THSD4: variants seen among roughly 807,000 people sequenced by gnomAD.
The protein encoded by THSD4 is thrombospondin type-1 domain-containing protein 4.
In THSD4, 69 loss-of-function variants were observed where a neutral mutation model predicts 119.0. That is an observed-to-expected ratio of 0.58 (90% CI 0.48 to 0.71). The LOEUF is 0.71. Ranked by LOEUF, THSD4 falls within the 30% of genes least tolerant of loss-of-function variation. The pLI is 0.00. For synonymous variants in THSD4, 524 were observed against 540.4 expected (o/e 0.97, Z 0.42); for missense variants, 1,393 against 1,391.1 (o/e 1.00, Z -0.02).
At chr15:71,154,980 G>A (rs764712949) in intron 3 of THSD4, 48 bp downstream of exon 3, 1 of 1,585,458 alleles carries the variant, frequency 6.3e-7, no homozygotes, top group East Asian at 2.2e-5. Context: ...AAGGGGCTAG[G>A]GCCACTGTGG....
intron 5 of THSD4, among the ~76,000 whole-genome samples, chr15:71,255,940 A>T (rs548580143): frequency 9.1e-4 from 138 of 152,322 alleles, no homozygotes; most frequent in African/African-American, 3.1e-3. Context: ...ACAGAAGCAG[A>T]TGGCCTCTTT....
intron 6 of THSD4, among the ~76,000 whole-genome samples, chr15:71,347,953 T>TA (rs1013508247): frequency 6.6e-6 from 1 of 152,190 alleles, no homozygotes; most frequent in African/African-American, 2.4e-5. Context: ...TCAGTAATCT[T>TA]ACCCTCTGCA....
chr15:71,187,881 A>G (rs1457189699), intron 3 of THSD4, among the ~76,000 whole-genome samples: 1 of 152,154 alleles, frequency 6.6e-6, no homozygotes, highest in African/African-American at 2.4e-5. Flanking sequence ...CACTGAATCA[A>G]CTCATGTTTA....
At chr15:71,578,810 T>A (rs1217062754) in intron 7 of THSD4, among the ~76,000 whole-genome samples, 1 of 137,100 alleles carries the variant, frequency 7.3e-6, no homozygotes, top group African/African-American at 2.5e-5. Context: ...TTTGCATACA[T>A]TAATTTGACT....
chr15:71,324,169 G>A (rs992507913), intron 6 of THSD4, among the ~76,000 whole-genome samples: 30 of 151,690 alleles, frequency 2.0e-4, no homozygotes, highest in African/African-American at 6.5e-4. Context: ...GCAAATAATT[G>A]TGATAGCTGT....
At chr15:71,255,943 G>C (rs562037194) in intron 5 of THSD4, among the ~76,000 whole-genome samples, 1 of 152,266 alleles carries the variant, frequency 6.6e-6, no homozygotes, top group East Asian at 1.9e-4. Context: ...GAAGCAGATG[G>C]CCTCTTTGAG....
chr15:71,525,238 C>T (rs192491164), intron 7 of THSD4, among the ~76,000 whole-genome samples: 8 of 152,260 alleles, frequency 5.3e-5, no homozygotes. Context: ...TCTAATTGTA[C>T]AGATGAGGAA....
At position 71,199,715 on chromosome 15, in the gene THSD4, G is replaced by T. The variant is rs796167175; in HGVS notation, c.100-15320G>T. Among the ~76,000 whole-genome samples, 80 of 96,444 alleles carry T rather than the reference G, an allele frequency of 8.3e-4. 1 individual carries two copies. Among genetic ancestry groups the T allele is most frequent in the African/African-American group, 5.2e-3 (76 of 14,698 alleles). 63.3% of individuals were successfully genotyped at this position (96,444 alleles called of 152,430 possible). On this transcript the variant is annotated intron_variant, in intron 3 of 17. Transcript: ENST00000261862. ...GGTGTGTGTGGTGTCTGGGTGTGTG[G>T]TGTGTGTGTGTAGTGTGTGTGTAGT...
At chr15:71,278,045 C>T (rs2044611935) in intron 6 of THSD4, among the ~76,000 whole-genome samples, 2 of 152,236 alleles carry the variant, frequency 1.3e-5, no homozygotes, top group East Asian at 3.8e-4. Context: ...CTCCCGCCAG[C>T]ACTCCGCCTT....
intron 7 of THSD4, among the ~76,000 whole-genome samples, chr15:71,456,484 AATC>A (rs2047341911): frequency 1.3e-5 from 2 of 152,196 alleles, no homozygotes; most frequent in African/African-American, 4.8e-5. Flanking sequence ...CATCTCAAGC[AATC>A]ATCTCAAAAC....
chr15:71,395,914 G>GACACACACACACACACACAC (rs58433075), intron 6 of THSD4, among the ~76,000 whole-genome samples: 86 of 133,376 alleles, frequency 6.4e-4, no homozygotes, highest in African/African-American at 2.2e-3. Context: ...TTTGAAGAGA[G>GACACACACACACACACACAC]ACACACACAC....
chr15:71,166,561 GAGA>G (rs1454125327), intron 3 of THSD4, among the ~76,000 whole-genome samples: 1 of 152,098 alleles, frequency 6.6e-6, no homozygotes, highest in Non-Finnish European at 1.5e-5. Context: ...TTTTCCCCGT[GAGA>G]AGAAGTTTCC....
chr15:71,560,813 A>G (rs2049100262), intron 7 of THSD4, among the ~76,000 whole-genome samples: 3 of 152,176 alleles, frequency 2.0e-5, no homozygotes, highest in Non-Finnish European at 4.4e-5. Context: ...TGACCACTAA[A>G]CTACAAACAC....
At chr15:71,765,236 A>G in intron 16 of THSD4, 37 bp downstream of exon 16, 1 of 1,594,460 alleles carries the variant, frequency 6.3e-7, no homozygotes, top group Non-Finnish European at 8.5e-7. Context: ...TTGCATTGGC[A>G]CAACGTCCCC....
intron 14 of THSD4, 151 bp downstream of exon 14, chr15:71,748,745 T>TC (rs2053389902): frequency 9.7e-7 from 1 of 1,035,012 alleles, no homozygotes; most frequent in Middle Eastern, 3.2e-4. Context: ...TCGTAGGCTT[T>TC]CTATCCTTAT....
In THSD4 at chr15:71,762,643, G is replaced by A. The variant is rs190402282; in HGVS notation, c.2590-2377G>A. ...AGAGGCCAGACCTTTGCCTGCTGCA[G>A]CTTGTGGCTCTTCTCCTGCCTTCAG... On this transcript the variant is annotated intron_variant, in intron 15 of 17. Transcript: ENST00000261862. Among the ~76,000 whole-genome samples, 7 of 152,310 alleles carry A rather than the reference G, an allele frequency of 4.6e-5. No individual in the cohort carries two copies. In the East Asian group the frequency reaches 7.7e-4, roughly 17 times the overall value.
At position 71,208,700 on chromosome 15, in the gene THSD4, C is replaced by T. The variant is rs542419228; in HGVS notation, c.100-6335C>T. ...CTAATTTTTGTATTTTTAGTAGAGA[C>T]GGGGTTTCACCATGTTGGCCAGGCT... On this transcript the variant is annotated intron_variant, in intron 3 of 17. Coordinates refer to ENST00000261862, the MANE Select transcript of THSD4 (RefSeq NM_024817.3). Among the ~76,000 whole-genome samples the T allele has an allele frequency of 6.8e-4, 103 of 151,844 alleles. 5 individuals are homozygous for T. Among genetic ancestry groups the T allele is most frequent in the South Asian group, 2.1e-4 (1 of 4,814 alleles).
chr15:71,195,167 G>A (rs888341979), intron 3 of THSD4, among the ~76,000 whole-genome samples: 14 of 152,204 alleles, frequency 9.2e-5, no homozygotes, highest in Non-Finnish European at 1.6e-4. Flanking sequence ...CAGTCTACGG[G>A]AGACATTAAG....
At chr15:71,171,261 T>C (rs11072257) in intron 3 of THSD4, among the ~76,000 whole-genome samples, 7,192 of 151,966 alleles carry the variant, frequency 0.047, 239 homozygotes, top group Non-Finnish European at 0.071. Context: ...AGACCACTGG[T>C]ACAGAAAAAA....
Sources: allele counts gnomAD v4.1 joint callset (sites outside exome capture counted in the v4.1 genomes callset), GRCh38; gene constraint gnomAD v4.1.1; transcripts MANE v1.5; gene names NCBI Gene and HGNC (gene_info 2026-07-23, HGNC 2026-07-21).